The following LEF1 variants were observed in gnomAD, a reference collection of about 807,000 sequenced individuals.
The protein encoded by LEF1 is lymphoid enhancer-binding factor 1.
In LEF1, 14 loss-of-function variants were observed where a neutral mutation model predicts 51.2. That is an observed-to-expected ratio of 0.27 (90% CI 0.18 to 0.43). LEF1 has a LOEUF of 0.43. Among genes scored for constraint, LEF1 ranks in the 20% least tolerant of loss-of-function variants. The pLI, the probability that LEF1 is intolerant of heterozygous loss-of-function variation, is 1.00. For synonymous variants in LEF1, 185 were observed against 183.2 expected (o/e 1.01, Z -0.08); for missense variants, 386 against 512.0 (o/e 0.75, Z 2.37).
chr4:108,097,070 C>G lies in LEF1; in HGVS notation c.415-7813G>C, dbSNP rs188303883. Among the ~76,000 whole-genome samples, 14 of 152,276 alleles carry G rather than the reference C, an allele frequency of 9.2e-5. 1 individual carries two copies. The highest frequency in any genetic ancestry group is 4.6e-4 in the Admixed American group (7 of 15,298). On this transcript the variant is annotated intron_variant, in intron 3 of 11. Coordinates refer to ENST00000265165, the MANE Select transcript of LEF1 (RefSeq NM_016269.5). Reference sequence around the variant, plus strand: ...TCTAAAAATATTATCACCTTATTATCTAACAATCCCACTGCTCGGTATACT... The same window carrying G: ...TCTAAAAATATTATCACCTTATTATGTAACAATCCCACTGCTCGGTATACT...
At chr4:108,084,346 C>A (rs1739504735) in intron 4 of LEF1, among the ~76,000 whole-genome samples, 1 of 152,206 alleles carries the variant, frequency 6.6e-6, no homozygotes, top group African/African-American at 2.4e-5. Flanking sequence ...TTTAAAAGAC[C>A]ACTTCCATAT....
chr4:108,167,675 A>C lies in LEF1; in HGVS notation c.93T>G (p.Asp31Glu), dbSNP rs985349016. 3 of 1,614,120 alleles carry C rather than the reference A, an allele frequency of 1.9e-6. No individual in the cohort carries two copies. Among genetic ancestry groups the C allele is most frequent in the African/African-American group, 1.3e-5 (1 of 75,026 alleles). The change falls in exon 1 of 12, where the codon GAT (aspartate) becomes GAG (glutamate). Residue 31 changes from aspartate to glutamate, a missense_variant. Asp to Glu is a conservative substitution (Grantham distance 45, BLOSUM62 2). This residue lies in a region of LEF1 where 335 missense variants were observed against 390.7 expected (regional missense o/e 0.86). Transcript: ENST00000265165. This position sits in a 1 kb window ranked among gnomAD's most constrained non-coding sequence, Gnocchi z 5.7. Reference sequence around the variant, plus strand: ...CGGCGAAGATCTTTTCCTTCTGAGGATCGCCCTCGTCCTTGAAGGGGATCA... The same window carrying C: ...CGGCGAAGATCTTTTCCTTCTGAGGCTCGCCCTCGTCCTTGAAGGGGATCA... ...DEMIPFKDEG[D>E]PQKEKIFAEI...
At chr4:108,138,209 A>G (rs1472484106) in intron 3 of LEF1, among the ~76,000 whole-genome samples, 2 of 152,244 alleles carry the variant, frequency 1.3e-5, no homozygotes, top group African/African-American at 2.4e-5. Flanking sequence ...TATAAAATAA[A>G]TAGATGAAAG....
At chr4:108,128,447 A>G (rs1314220155) in intron 3 of LEF1, among the ~76,000 whole-genome samples, 1 of 152,184 alleles carries the variant, frequency 6.6e-6, no homozygotes, top group Non-Finnish European at 1.5e-5. Flanking sequence ...TCAGTAAGTC[A>G]CTGGCAGAAA....
chr4:108,162,507 A>G (rs1428135707), intron 3 of LEF1, among the ~76,000 whole-genome samples: 2 of 152,192 alleles, frequency 1.3e-5, no homozygotes, highest in Admixed American at 1.3e-4. Flanking sequence ...TCACTAAGGT[A>G]TTAACAACGT....
chr4:108,118,230 T>G (rs1478001969), intron 3 of LEF1, among the ~76,000 whole-genome samples: 1 of 152,236 alleles, frequency 6.6e-6, no homozygotes, highest in African/African-American at 2.4e-5. Context: ...TTCTAAAAGA[T>G]GAGCTTATTA....
At chr4:108,127,146 A>G (rs917982437) in intron 3 of LEF1, among the ~76,000 whole-genome samples, 2 of 152,160 alleles carry the variant, frequency 1.3e-5, no homozygotes, top group South Asian at 4.1e-4. Flanking sequence ...TTTGGCAGAA[A>G]AAAACAGTGC....
At chr4:108,054,394 C>G (rs1186587300) in intron 11 of LEF1, among the ~76,000 whole-genome samples, 5 of 152,238 alleles carry the variant, frequency 3.3e-5, no homozygotes, top group Admixed American at 2.6e-4. Flanking sequence ...GTAATTCACT[C>G]TGCAGACGCA....
At chr4:108,162,589 T>C (rs60097999) in intron 3 of LEF1, among the ~76,000 whole-genome samples, 2,875 of 152,252 alleles carry the variant, frequency 0.019, 91 homozygotes, top group African/African-American at 0.064. Context: ...TCAAACACTA[T>C]AGGTTCCATT....
chr4:108,105,759 A>G (rs1741123490), intron 3 of LEF1, among the ~76,000 whole-genome samples: 1 of 152,188 alleles, frequency 6.6e-6, no homozygotes, highest in Admixed American at 6.5e-5. Flanking sequence ...GTCTCTATCA[A>G]AGCTTTCATT....
At chr4:108,096,837 A>G in intron 3 of LEF1, among the ~76,000 whole-genome samples, 1 of 152,228 alleles carries the variant, frequency 6.6e-6, no homozygotes, top group East Asian at 1.9e-4. Flanking sequence ...GTATATGAAA[A>G]GGTGCTCAAC....
chr4:108,085,551 C>T (rs1325898212), intron 4 of LEF1, among the ~76,000 whole-genome samples: 4 of 152,212 alleles, frequency 2.6e-5, no homozygotes, highest in African/African-American at 9.7e-5. Context: ...CTCCGTACTA[C>T]TCCATGTTCT....
intron 3 of LEF1, among the ~76,000 whole-genome samples, chr4:108,089,504 C>A (rs979462935): frequency 2.0e-5 from 3 of 152,158 alleles, no homozygotes; most frequent in Non-Finnish European, 2.9e-5. Flanking sequence ...AGTGACTCTT[C>A]AGGGATTTAG....
intron 9 of LEF1, among the ~76,000 whole-genome samples, chr4:108,066,669 G>A (rs766180824): frequency 6.6e-6 from 1 of 152,216 alleles, no homozygotes; most frequent in Non-Finnish European, 1.5e-5. Flanking sequence ...CTACATTTAT[G>A]ATAGGCAAAG....
Position 108,167,633 on chromosome 4 carries a change from T to G in LEF1, c.135A>C (p.Glu45Asp), listed in dbSNP as rs781608580. The change falls in exon 1 of 12, where the codon GAA becomes GAC. Residue 45 changes from glutamate to aspartate, a missense_variant. Around this residue, in one of 2 missense-constraint regions of LEF1, gnomAD observed 335 missense variants for 390.7 expected, o/e 0.86. Coordinates refer to ENST00000265165, the MANE Select transcript of LEF1 (RefSeq NM_016269.5). The surrounding 1 kb of genome is among the most constrained non-coding windows in gnomAD (Gnocchi z 5.7). ...EKIFAEISHP[E>D]EEGDLADIKS... ...TGATGTCAGCTAAATCGCCTTCCTC[T>G]TCGGGATGACTGATCTCGGCGAAGA... The G allele has an allele frequency of 1.2e-5, 20 of 1,614,090 alleles. No individual in the cohort carries two copies. The highest frequency in any genetic ancestry group is 1.4e-5 in the Non-Finnish European group (17 of 1,180,050).
At chr4:108,049,306 T>A (rs895797016) in intron 11 of LEF1, among the ~76,000 whole-genome samples, 1 of 151,814 alleles carries the variant, frequency 6.6e-6, no homozygotes, top group African/African-American at 2.4e-5. Context: ...ATTTTCAAGA[T>A]TTTTTTTTCC....
chr4:108,050,579 G>A (rs1207767577), intron 11 of LEF1, among the ~76,000 whole-genome samples: 1 of 152,214 alleles, frequency 6.6e-6, no homozygotes, highest in Non-Finnish European at 1.5e-5. Context: ...GCACCCCACA[G>A]ATTCCTATTT....
chr4:108,074,873 T>A (rs1197368420), intron 8 of LEF1, among the ~76,000 whole-genome samples: 1 of 152,210 alleles, frequency 6.6e-6, no homozygotes, highest in Admixed American at 6.5e-5. Flanking sequence ...TCATATCATA[T>A]CCTCACTCTC....
In LEF1 at chr4:108,150,131, T is replaced by C. The variant is rs555257964; in HGVS notation, c.414+13437A>G. ...ATTTCTCTTATTTAAACCAACATCATGATACCACAAAAATCACCACTAACT... is the reference window on the plus strand; with the variant it reads ...ATTTCTCTTATTTAAACCAACATCACGATACCACAAAAATCACCACTAACT... On this transcript the variant is annotated intron_variant, in intron 3 of 11. Coordinates refer to ENST00000265165, the MANE Select transcript of LEF1 (RefSeq NM_016269.5). 1.6e-3 allele frequency among the ~76,000 whole-genome samples: 244 copies of C among 152,286 alleles called. 1 individual carries two copies. Among genetic ancestry groups the C allele is most frequent in the African/African-American group, 5.6e-3 (233 of 41,562 alleles).
Sources: allele counts gnomAD v4.1 joint callset (sites outside exome capture counted in the v4.1 genomes callset), GRCh38; gene constraint gnomAD v4.1.1; regional missense constraint gnomAD v4.1.1; non-coding constraint Gnocchi (gnomAD v3.1); transcripts MANE v1.5; gene names NCBI Gene and HGNC (gene_info 2026-07-23, HGNC 2026-07-21).